Variants in SCAMP2 observed in about 807,000 individuals in gnomAD.
The protein encoded by SCAMP2 is secretory carrier-associated membrane protein 2.
In SCAMP2, 25 loss-of-function variants were observed where a neutral mutation model predicts 44.1. That is an observed-to-expected ratio of 0.57 (90% confidence interval 0.41 to 0.79). The LOEUF (loss-of-function observed/expected upper bound fraction) is 0.79. Ranked by LOEUF, SCAMP2 falls within the 30% of genes least tolerant of loss-of-function variation. The pLI, the probability that SCAMP2 is intolerant of heterozygous loss-of-function variation, is 0.00. For missense variants in SCAMP2, 355 were observed against 411.0 expected, an observed-to-expected ratio of 0.86 and a Z score of 1.18; for synonymous variants, 156 against 166.0, an observed-to-expected ratio of 0.94 and a Z score of 0.46.
chr15:74,869,945 C>A (rs1010705356), intron 1 of SCAMP2, among the ~76,000 whole-genome samples: 3 of 152,168 alleles, frequency 2.0e-5, no homozygotes, highest in Non-Finnish European at 4.4e-5. Flanking sequence ...CCCTGGCAGT[C>A]AAGGAAGCAG....
intron 1 of SCAMP2, among the ~76,000 whole-genome samples, chr15:74,855,872 G>A (rs536334053): frequency 6.6e-6 from 1 of 152,066 alleles, no homozygotes; most frequent in Non-Finnish European, 1.5e-5. Flanking sequence ...GGGTTTCGGG[G>A]GTTTTTTAAA....
chr15:74,854,486 G>A lies in SCAMP2; in HGVS notation c.126+95C>T, dbSNP rs1206000383. ...TCCCTTTGAGGACTGCCGCTTCTCA[G>A]AGCTGCTTCTGTCCTTGCCAAGGAT... is the stretch of plus-strand genomic sequence containing the variant. On this transcript the variant is annotated intron_variant, in intron 2 of 8. Transcript: ENST00000268099. 53 of 1,059,634 alleles carry A rather than the reference G, an allele frequency of 5.0e-5. 1 individual carries two copies. The highest frequency in any genetic ancestry group is 6.9e-5 in the Non-Finnish European group (48 of 697,626). 65.6% of individuals were successfully genotyped at this position (1,059,634 alleles called of 1,614,324 possible). A position where few individuals can be genotyped will look rare whatever the true frequency, so the allele number is the denominator to read the frequency against.
chr15:74,845,870 G>A (rs2064395876), intron 7 of SCAMP2, among the ~76,000 whole-genome samples: 1 of 152,214 alleles, frequency 6.6e-6, no homozygotes, highest in Admixed American at 6.5e-5. Context: ...GTCAGAAGTA[G>A]CACCGGGCTG....
intron 5 of SCAMP2, among the ~76,000 whole-genome samples, 178 bp from the exon 6 acceptor site, chr15:74,850,851 A>C (rs570612345): frequency 6.6e-6 from 1 of 152,332 alleles, no homozygotes; most frequent in East Asian, 1.9e-4. Flanking sequence ...CTGGGACCTC[A>C]AAACCAGGGA....
At chr15:74,845,729 G>A (rs1436378009) in intron 7 of SCAMP2, 136 bp from the exon 8 acceptor site, 4 of 1,106,036 alleles carry the variant, frequency 3.6e-6, no homozygotes, top group Non-Finnish European at 5.3e-6. Context: ...GGAGCCCTGT[G>A]AGCCAGAAGC....
intron 1 of SCAMP2, among the ~76,000 whole-genome samples, chr15:74,859,595 G>T (rs1424998164): frequency 6.6e-6 from 1 of 151,332 alleles, no homozygotes; most frequent in Non-Finnish European, 1.5e-5. Flanking sequence ...AGCTCTCCCA[G>T]GAACGGCCAT....
At position 74,844,790 on chromosome 15, in the gene SCAMP2, G is replaced by C; in HGVS notation, c.*293C>G. 2 of 328,850 alleles carry C rather than the reference G, an allele frequency of 6.1e-6. No homozygotes were observed. Among genetic ancestry groups the C allele is most frequent in the Non-Finnish European group, 1.2e-5 (2 of 173,610 alleles). 20.4% of individuals were successfully genotyped at this position (328,850 alleles called of 1,614,324 possible). A position where few individuals can be genotyped will look rare whatever the true frequency, so the allele number is the denominator to read the frequency against. On this transcript the variant is annotated 3_prime_UTR_variant, in exon 9 of 9. Coordinates refer to ENST00000268099, the MANE Select transcript of SCAMP2 (RefSeq NM_005697.5). Reference sequence around the variant, plus strand: ...CCCAACTGTGTGGGGGTGTCTGTGTGTGCACAGGACGAAGAGAACTTCAGT... The same window carrying C: ...CCCAACTGTGTGGGGGTGTCTGTGTCTGCACAGGACGAAGAGAACTTCAGT...
rs574683884 is a variant in SCAMP2 at position 74,864,041 on chromosome 15, CTTTA to C, written c.57+9154_57+9157del. ...AACCACACTTGCAAAGCCACAGGAT[CTTTA>C]TTTATTTATTTATTTTATATATGTA... On this transcript the variant is annotated intron_variant, in intron 1 of 8. Coordinates refer to ENST00000268099, the MANE Select transcript of SCAMP2 (RefSeq NM_005697.5). Among the ~76,000 whole-genome samples the C allele has an allele frequency of 6.2e-3, 948 of 152,114 alleles. 9 individuals carry two copies. The highest frequency in any genetic ancestry group is 0.031 in the Middle Eastern group (9 of 294).
At chr15:74,849,338 C>CT (rs1474957904) in intron 6 of SCAMP2, among the ~76,000 whole-genome samples, 2 of 152,096 alleles carry the variant, frequency 1.3e-5, no homozygotes, top group African/African-American at 4.8e-5. Flanking sequence ...ATCCCAGCTA[C>CT]TTGGGAGGCT....
Position 74,844,875 on chromosome 15 carries a change from CTTT to C in SCAMP2, c.*205_*207del. On this transcript the variant is annotated 3_prime_UTR_variant, in exon 9 of 9. Coordinates refer to ENST00000268099, the MANE Select transcript of SCAMP2 (RefSeq NM_005697.5). ...ACCATCACCAGAGAAGGAAAGAGAGCTTTGTTTTTTTTTGTACATAGAGGGGGA... is the reference window on the plus strand; with the variant it reads ...ACCATCACCAGAGAAGGAAAGAGAGCGTTTTTTTTTGTACATAGAGGGGGA... 5.5e-6 allele frequency: 3 copies of C among 549,308 alleles called. No individual in the cohort carries two copies. Among genetic ancestry groups the C allele is most frequent in the East Asian group, 3.0e-5 (1 of 33,696 alleles). The allele number at this position is 549,308 out of a possible 1,614,324, so 34.0% of individuals were successfully genotyped here.
At position 74,854,521 on chromosome 15, in the gene SCAMP2, G is replaced by C. The variant is rs948800262; in HGVS notation, c.126+60C>G. 2.7e-5 allele frequency: 38 copies of C among 1,404,306 alleles called. 2 individuals carry two copies. The South Asian group carries it at 4.7e-4, about 17-fold the overall frequency. 87.0% of individuals were successfully genotyped at this position (1,404,306 alleles called of 1,614,324 possible). The stretch of plus-strand genomic sequence containing the variant: ...TGTCCTTGCCAAGGATCCCTGCCCC[G>C]GACACCCCAGCACCACCCTAGAGGG... On this transcript the variant is annotated intron_variant, in intron 2 of 8. Transcript: ENST00000268099.
At chr15:74,869,982 G>T (rs2064565376) in intron 1 of SCAMP2, among the ~76,000 whole-genome samples, 1 of 152,196 alleles carries the variant, frequency 6.6e-6, no homozygotes, top group South Asian at 2.1e-4. Context: ...GAAAAGGTGG[G>T]CAGCTCTGAC....
rs899585954 is a variant in SCAMP2, at chr15:74,848,548, G to A, written c.734+52C>T. 14 of 1,194,812 alleles carry A rather than the reference G, an allele frequency of 1.2e-5. No homozygotes were observed. The African/African-American group carries it at 2.1e-4, about 18-fold the overall frequency. 74.0% of individuals were successfully genotyped at this position (1,194,812 alleles called of 1,614,324 possible). ...GGGAGCTAGAAAACAGGGCAAGAGA[G>A]GCTGAGTCCCATATCCAAAGCCTAA... On this transcript the variant is annotated intron_variant, in intron 7 of 8. Transcript: ENST00000268099.
intron 1 of SCAMP2, among the ~76,000 whole-genome samples, chr15:74,861,043 C>T (rs1418903297): frequency 2.0e-5 from 3 of 151,100 alleles, no homozygotes; most frequent in Non-Finnish European, 2.9e-5. Context: ...GGCATGGTGG[C>T]GGGTGCCTGT....
chr15:74,851,982 G>T, intron 4 of SCAMP2, 87 bp downstream of exon 4: 1 of 841,034 alleles, frequency 1.2e-6, no homozygotes, highest in African/African-American at 1.7e-5. Flanking sequence ...GCAGCTCAGG[G>T]TGAATGCTGG....
chr15:74,873,039 C>T (rs1358937820), intron 1 of SCAMP2, 160 bp downstream of exon 1: 1 of 592,508 alleles, frequency 1.7e-6, no homozygotes. Flanking sequence ...TAGTCGCGCC[C>T]CTCACGCGTT....
chr15:74,863,934 A>G (rs2064525424), intron 1 of SCAMP2, among the ~76,000 whole-genome samples: 1 of 152,246 alleles, frequency 6.6e-6, no homozygotes, highest in African/African-American at 2.4e-5. Context: ...TGGGAGAGTC[A>G]GGGAAGGCTC....
At chr15:74,854,432 C>T (rs1394414490) in intron 2 of SCAMP2, 149 bp downstream of exon 2, 2 of 772,876 alleles carry the variant, frequency 2.6e-6, no homozygotes, top group Admixed American at 4.2e-5. Flanking sequence ...GCCATCCTTA[C>T]CCTGCCTCCC....
chr15:74,847,746 A>G (rs2064409269), intron 7 of SCAMP2, among the ~76,000 whole-genome samples: 1 of 152,222 alleles, frequency 6.6e-6, no homozygotes, highest in Non-Finnish European at 1.5e-5. Flanking sequence ...AACATCAGCC[A>G]TCAGCTTTTC....
Sources: allele counts gnomAD v4.1 joint callset (sites outside exome capture counted in the v4.1 genomes callset), GRCh38; gene constraint gnomAD v4.1.1; transcripts MANE v1.5; gene names NCBI Gene and HGNC (gene_info 2026-07-23, HGNC 2026-07-21).